RAPGEFL1: variants seen among roughly 807,000 people sequenced by gnomAD.
The protein encoded by RAPGEFL1 is Rap guanine nucleotide exchange factor like 1.
Under a neutral mutation model 64.4 loss-of-function variants are expected in RAPGEFL1, and 31 were observed. The ratio of observed to expected loss-of-function variants is 0.48; its 90% CI spans 0.36 to 0.65. The LOEUF is 0.65. Among genes scored for constraint, RAPGEFL1 ranks in the 30% least tolerant of loss-of-function variants. The pLI, the probability that RAPGEFL1 is intolerant of heterozygous loss-of-function variation, is 0.00. For synonymous variants in RAPGEFL1, 331 were observed against 274.1 expected, an observed-to-expected ratio of 1.21 and a Z score of -2.05; for missense variants, 682 against 677.4, an observed-to-expected ratio of 1.01 and a Z score of -0.08.
rs976078557 is a variant in RAPGEFL1 at position 40,190,422 on chromosome 17, T to A, written c.1115-12T>A. The A allele has an allele frequency of 2.0e-5, 32 of 1,613,054 alleles. No individual in the cohort carries two copies. The Admixed American group carries it at 2.2e-4, about 11-fold the overall frequency. ...GGCAGGGGCCGAGGATGAGCAGCTC[T>A]TTCTCCTGCAGAGAAGGTCCTTCTC... On this transcript the variant is annotated splice_polypyrimidine_tract_variant and intron_variant, in intron 6 of 14. Transcript: ENST00000620260.
At chr17:40,187,649 C>T (rs530009007) in intron 4 of RAPGEFL1, among the ~76,000 whole-genome samples, 12 of 151,832 alleles carry the variant, frequency 7.9e-5, no homozygotes, top group African/African-American at 2.4e-4. Flanking sequence ...CTGGCTCTGT[C>T]GCCCAGGCTG....
In RAPGEFL1 at chr17:40,188,860, T is replaced by C; in HGVS notation, c.834-6T>C. The C allele has an allele frequency of 1.2e-6, 2 of 1,613,640 alleles. No homozygotes were observed. The stretch of plus-strand genomic sequence containing the variant: ...GCGTGCTGATGCCCAGCTGTGTCCA[T>C]GCCAGGATTCCAGAGGAGAACCAGC... On this transcript the variant is annotated splice_polypyrimidine_tract_variant and splice_region_variant and intron_variant, in intron 4 of 14. Coordinates refer to ENST00000620260, the MANE Select transcript of RAPGEFL1 (RefSeq NM_016339.6).
chr17:40,189,911 G>A (rs1338806461), intron 6 of RAPGEFL1, among the ~76,000 whole-genome samples: 2 of 150,820 alleles, frequency 1.3e-5, no homozygotes, highest in African/African-American at 4.9e-5. Flanking sequence ...CCGAGATCAA[G>A]ACACTGTGCT....
chr17:40,181,465 C>T (rs573218924), intron 1 of RAPGEFL1, 151 bp from the exon 2 acceptor site: 50 of 661,664 alleles, frequency 7.6e-5, no homozygotes, highest in African/African-American at 3.4e-4. Flanking sequence ...TGTATGTGTG[C>T]GCGTGTGCAG....
intron 1 of RAPGEFL1, chr17:40,181,385 C>T (rs781236974): frequency 3.9e-5 from 25 of 639,976 alleles, no homozygotes; most frequent in Non-Finnish European, 6.1e-5. Flanking sequence ...CACGCGCCCC[C>T]CCCTTCCCTT....
intron 1 of RAPGEFL1, among the ~76,000 whole-genome samples, chr17:40,180,617 A>G (rs1989865567): frequency 6.6e-6 from 1 of 152,154 alleles, no homozygotes; most frequent in South Asian, 2.1e-4. Flanking sequence ...GAAAAGGACA[A>G]AGACTCAGGA....
intron 6 of RAPGEFL1, 27 bp from the exon 7 acceptor site, chr17:40,190,407 G>A (rs746211368): frequency 1.0e-5 from 16 of 1,607,782 alleles, no homozygotes; most frequent in East Asian, 4.5e-5. Flanking sequence ...GGCAGGGGCC[G>A]AGGATGAGCA....
rs113045849 is a variant in RAPGEFL1 at position 40,191,357 on chromosome 17, C to T, written c.1377C>T (p.Arg459=). ...ACGTGTTCCACGGGGAGCGCGGCCG[C>T]CGGGAGACGGCCAACTTGGAGCTGC... is the stretch of plus-strand genomic sequence containing the variant. The part of the protein sequence containing the change: ...VDYVFHGERG[R]RETANLELLL... Residue 459 remains arginine, a synonymous_variant, in exon 9 of 15, where the codon CGC becomes CGT. Coordinates refer to ENST00000620260, the MANE Select transcript of RAPGEFL1 (RefSeq NM_016339.6). This position sits in a 1 kb window ranked among gnomAD's most constrained non-coding sequence, Gnocchi z 5.1. 4,323 of 1,593,422 alleles carry T rather than the reference C, an allele frequency of 2.7e-3. 89 individuals carry two copies. The African/African-American group carries it at 0.047, about 17-fold the overall frequency.
rs1365234426 is a variant in RAPGEFL1, at chr17:40,188,144, G to A, written c.834-722G>A. ...TGGCCAGGCTGGTCTTGAACTCCTGGCCTCAAGTGATCTGCCCACCTCAGC... is the reference window on the plus strand; with the variant it reads ...TGGCCAGGCTGGTCTTGAACTCCTGACCTCAAGTGATCTGCCCACCTCAGC... On this transcript the variant is annotated intron_variant, in intron 4 of 14. Transcript: ENST00000620260. 6.6e-5 allele frequency among the ~76,000 whole-genome samples: 10 copies of A among 151,646 alleles called. No individual in the cohort carries two copies. In the South Asian group the frequency reaches 1.0e-3, roughly 16 times the overall value.
chr17:40,182,876 G>A (rs549337768), intron 2 of RAPGEFL1, among the ~76,000 whole-genome samples: 33 of 152,274 alleles, frequency 2.2e-4, no homozygotes, highest in Non-Finnish European at 3.4e-4. Context: ...AGCCAGGCAC[G>A]GTGGCATATG....
At chr17:40,188,338 C>T (rs1990149198) in intron 4 of RAPGEFL1, among the ~76,000 whole-genome samples, 1 of 152,158 alleles carries the variant, frequency 6.6e-6, no homozygotes, top group African/African-American at 2.4e-5. Context: ...CATAACTCTC[C>T]TGGTACCTTT....
chr17:40,186,197 C>T (rs1990065441), intron 4 of RAPGEFL1, among the ~76,000 whole-genome samples: 1 of 150,840 alleles, frequency 6.6e-6, no homozygotes, highest in South Asian at 2.1e-4. Context: ...TGTCTTGAAT[C>T]CAGGAGGCAG....
Position 40,191,498 on chromosome 17 carries a change from A to C in RAPGEFL1, c.1514+4A>C. The C allele has an allele frequency of 6.3e-7, 1 of 1,596,030 alleles. No homozygotes were observed. The highest frequency in any genetic ancestry group is 1.3e-5 in the African/African-American group (1 of 74,280). On this transcript the variant is annotated splice_donor_region_variant and intron_variant, in intron 9 of 14. Transcript: ENST00000620260. The surrounding 1 kb of genome is among the most constrained non-coding windows in gnomAD (Gnocchi z 5.1). ...AGTTCATCAAGATCGCGGCCCTGTGAGTGCGGCCGTCGGCGGGATGGGGGG... is the reference window on the plus strand; with the variant it reads ...AGTTCATCAAGATCGCGGCCCTGTGCGTGCGGCCGTCGGCGGGATGGGGGG...
intron 11 of RAPGEFL1, 94 bp downstream of exon 11, chr17:40,192,357 G>A: frequency 2.2e-6 from 3 of 1,395,140 alleles, no homozygotes; most frequent in Non-Finnish European, 3.0e-6. Flanking sequence ...TCCTTTCAAG[G>A]TGTTTAGTGT....
rs541469482 is a variant in RAPGEFL1, at chr17:40,178,305, C to T, written c.444C>T (p.Pro148=). The T allele has an allele frequency of 2.0e-4, 128 of 627,166 alleles. No homozygotes were observed. The African/African-American group carries it at 2.3e-3, about 11-fold the overall frequency. The allele number at this position is 627,166 out of a possible 1,614,324, so 38.9% of individuals were successfully genotyped here. ...CGCCCTGGGCCCCTCTGGGCGCCCC[C>T]GAGCGGCCCGAGCATCTTCTGAACC... ...TSPPWAPLGA[P]ERPEHLLNRV... is the part of the protein sequence containing the mutation. Residue 148 remains proline, a synonymous_variant, in exon 1 of 15, where the codon CCC becomes CCT. Transcript: ENST00000620260.
Position 40,194,232 on chromosome 17 carries a change from C to CGTGTGTGT in RAPGEFL1, c.*495_*502dup, listed in dbSNP as rs56205991. 5.2e-3 allele frequency: 647 copies of CGTGTGTGT among 125,066 alleles called. 17 individuals carry two copies. The highest frequency in any genetic ancestry group is 6.0e-3 in the East Asian group (26 of 4,348). 7.7% of individuals were successfully genotyped at this position (125,066 alleles called of 1,614,324 possible). ...GGGACCCCCAGGAATATTATGTTGC[C>CGTGTGTGT]GTGTGTGTGTGTGTGTGTGTGTGTG... On this transcript the variant is annotated 3_prime_UTR_variant, in exon 15 of 15. Coordinates refer to ENST00000620260, the MANE Select transcript of RAPGEFL1 (RefSeq NM_016339.6).
In RAPGEFL1 at chr17:40,178,149, C is replaced by T. The variant is rs1220462166; in HGVS notation, c.288C>T (p.Gly96=). The T allele has an allele frequency of 1.8e-6, 1 of 556,378 alleles. No homozygotes were observed. The highest frequency in any genetic ancestry group is 3.4e-5 in the Admixed American group (1 of 29,724). The allele number at this position is 556,378 out of a possible 1,614,324, so 34.5% of individuals were successfully genotyped here. A position where few individuals can be genotyped will look rare whatever the true frequency, so the allele number is the denominator to read the frequency against. Reference sequence around the variant, plus strand: ...CGGCGGGGGTCGCGGAGGAGCCGGGCAGCGGGGGGCCCTGCTGGCTGCAGC... The same window carrying T: ...CGGCGGGGGTCGCGGAGGAGCCGGGTAGCGGGGGGCCCTGCTGGCTGCAGC... ...GEPAGVAEEP[G]SGGPCWLQLE... is the part of the protein sequence containing the mutation. Residue 96 remains glycine, a synonymous_variant, in exon 1 of 15, where the codon GGC becomes GGT. Coordinates refer to ENST00000620260, the MANE Select transcript of RAPGEFL1 (RefSeq NM_016339.6).
rs753302681 is a variant in RAPGEFL1 at position 40,177,854 on chromosome 17, G to T, written c.-8G>T. On this transcript the variant is annotated 5_prime_UTR_variant, in exon 1 of 15. Transcript: ENST00000620260. ...CCGGCGACCCCTAGGAGAGGGGCGG[G>T]GGGGGGCATGAAGCCGCTGGAGAAA... 4.7e-6 allele frequency: 2 copies of T among 428,068 alleles called. No homozygotes were observed. Among genetic ancestry groups the T allele is most frequent in the Non-Finnish European group, 8.3e-6 (2 of 241,248 alleles). 26.5% of individuals were successfully genotyped at this position (428,068 alleles called of 1,614,324 possible).
In RAPGEFL1 at chr17:40,194,120, C is replaced by T. The variant is rs115693593; in HGVS notation, c.*332C>T. The stretch of plus-strand genomic sequence containing the variant: ...TCTTGCAGCAGGAAAGAATGCTGCT[C>T]ACCCTTCTGTCTTGCAGAGTGGGAT... On this transcript the variant is annotated 3_prime_UTR_variant, in exon 15 of 15. Coordinates refer to ENST00000620260, the MANE Select transcript of RAPGEFL1 (RefSeq NM_016339.6). The T allele has an allele frequency of 4.3e-3, 1,218 of 283,806 alleles. 9 individuals carry two copies. The highest frequency in any genetic ancestry group is 0.025 in the African/African-American group (1,162 of 45,920). 17.6% of individuals were successfully genotyped at this position (283,806 alleles called of 1,614,324 possible).
Sources: gnomAD v4.1 joint callset for allele counts (sites outside exome capture counted in the v4.1 genomes callset) on GRCh38, gnomAD v4.1.1 for gene constraint, Gnocchi (gnomAD v3.1) non-coding constraint, MANE v1.5 for transcripts, NCBI Gene and HGNC (gene_info 2026-07-23, HGNC 2026-07-21) for gene names.